The following UHRF2 variants were observed in gnomAD, a reference collection of about 807,000 sequenced individuals.
UHRF2 encodes the protein E3 ubiquitin-protein ligase UHRF2.
In UHRF2, 23 loss-of-function variants were observed where a neutral mutation model predicts 96.8. That is an observed-to-expected ratio of 0.24 (90% CI 0.17 to 0.34). UHRF2 has a LOEUF of 0.34. UHRF2 is among the 10% of genes least tolerant of loss of function. The pLI, the probability that UHRF2 is intolerant of heterozygous loss-of-function variation, is 1.00. For missense variants in UHRF2, 685 were observed against 981.5 expected, an observed-to-expected ratio of 0.70 and a Z score of 4.04; for synonymous variants, 385 against 332.6, an observed-to-expected ratio of 1.16 and a Z score of -1.72.
chr9:6,417,060 A>C (rs927600762), intron 1 of UHRF2, among the ~76,000 whole-genome samples: 1 of 152,168 alleles, frequency 6.6e-6, no homozygotes, highest in Non-Finnish European at 1.5e-5. Flanking sequence ...AACATATATA[A>C]TACACACATA....
intron 4 of UHRF2, among the ~76,000 whole-genome samples, chr9:6,466,070 G>T (rs1420181024): frequency 1.3e-5 from 2 of 152,138 alleles, no homozygotes; most frequent in Non-Finnish European, 2.9e-5. Flanking sequence ...AGTAGTATTT[G>T]AATCCTATAG....
At chr9:6,473,288 A>T (rs983739687) in intron 4 of UHRF2, among the ~76,000 whole-genome samples, 1 of 152,184 alleles carries the variant, frequency 6.6e-6, no homozygotes, top group Non-Finnish European at 1.5e-5. Context: ...ATTTAAATCC[A>T]TGAGTCCATA....
At chr9:6,470,071 T>G (rs1823149131) in intron 4 of UHRF2, among the ~76,000 whole-genome samples, 1 of 152,266 alleles carries the variant, frequency 6.6e-6, no homozygotes, top group Middle Eastern at 3.4e-3. Flanking sequence ...GTGAAAATAC[T>G]AATTTAAAAA....
chr9:6,468,564 G>T (rs1424542455), intron 4 of UHRF2: 2 of 456,040 alleles, frequency 4.4e-6, no homozygotes, highest in Non-Finnish European at 8.8e-6. Context: ...GTAAAATCTA[G>T]TTCAGAGCAG....
intron 4 of UHRF2, among the ~76,000 whole-genome samples, chr9:6,470,866 C>G (rs1242965422): frequency 6.6e-6 from 1 of 151,958 alleles, no homozygotes; most frequent in Non-Finnish European, 1.5e-5. Flanking sequence ...GCAATTGTGA[C>G]TAAAAGAAGC....
At chr9:6,492,422 C>T (rs1824715515) in intron 9 of UHRF2, 1 of 964,550 alleles carries the variant, frequency 1.0e-6, no homozygotes, top group East Asian at 9.0e-5. Flanking sequence ...ATTAGAATTC[C>T]TTCTCATAGA....
chr9:6,427,393 G>A (rs1820319343), intron 2 of UHRF2, among the ~76,000 whole-genome samples: 1 of 152,050 alleles, frequency 6.6e-6, no homozygotes, highest in Non-Finnish European at 1.5e-5. Context: ...AGTATGTTAA[G>A]ATGAAATTTT....
rs143998817 is a variant in UHRF2 at position 6,488,127 on chromosome 9, C to T, written c.1497+1202C>T. Among the ~76,000 whole-genome samples, 303 of 151,412 alleles carry T rather than the reference C, an allele frequency of 2.0e-3. 1 individual carries two copies. The highest frequency in any genetic ancestry group is 6.8e-3 in the Middle Eastern group (2 of 294). ...GTGTGGTGGCATGTGCCTGTAGTCC[C>T]GGCTACCCAGGAGGATGAGGCAGGA... On this transcript the variant is annotated intron_variant, in intron 9 of 15. Coordinates refer to ENST00000276893, the MANE Select transcript of UHRF2 (RefSeq NM_152896.3).
chr9:6,476,937 G>T (rs1405454637), intron 5 of UHRF2, among the ~76,000 whole-genome samples: 1 of 152,054 alleles, frequency 6.6e-6, no homozygotes, highest in African/African-American at 2.4e-5. Context: ...ATTCTTTTTG[G>T]TTCCTTTCTT....
At chr9:6,452,534 T>C (rs1821934584) in intron 3 of UHRF2, among the ~76,000 whole-genome samples, 1 of 152,196 alleles carries the variant, frequency 6.6e-6, no homozygotes, top group Non-Finnish European at 1.5e-5. Flanking sequence ...GATTGAAAGG[T>C]GTGATCCTAA....
Position 6,426,053 on chromosome 9 carries a change from C to T in UHRF2, c.384+4911C>T, listed in dbSNP as rs564313963. 1.1e-4 allele frequency among the ~76,000 whole-genome samples: 16 copies of T among 152,308 alleles called. No individual in the cohort carries two copies. In the South Asian group the frequency reaches 2.3e-3, roughly 22 times the overall value. On this transcript the variant is annotated intron_variant, in intron 2 of 15. Transcript: ENST00000276893. ...AGGAGGGCCAGTTTATGTATCTGCA[C>T]ATCTGAGATTAATCAAAGTTCAGCA...
chr9:6,458,988 G>A (rs1822355605), intron 3 of UHRF2, among the ~76,000 whole-genome samples: 1 of 152,064 alleles, frequency 6.6e-6, no homozygotes, highest in African/African-American at 2.4e-5. Context: ...AACACCACAT[G>A]TTCTCACTCA....
At chr9:6,423,306 AGG>A (rs1820043292) in intron 2 of UHRF2, among the ~76,000 whole-genome samples, 1 of 152,214 alleles carries the variant, frequency 6.6e-6, no homozygotes. Context: ...AACATAAAGA[AGG>A]AAAGCTTCCT....
chr9:6,434,999 GTT>G (rs58171060), intron 3 of UHRF2, among the ~76,000 whole-genome samples: 129 of 145,418 alleles, frequency 8.9e-4, no homozygotes, highest in Middle Eastern at 7.1e-3. Context: ...TGTTTGGCTA[GTT>G]TTTTTTTTTT....
rs1171978950 is a variant in UHRF2 at position 6,487,182 on chromosome 9, C to CTTTTTTTTTTTTTT, written c.1497+269_1497+282dup. Among the ~76,000 whole-genome samples the CTTTTTTTTTTTTTT allele has an allele frequency of 8.5e-4, 59 of 69,582 alleles. 4 individuals carry two copies. Among genetic ancestry groups the CTTTTTTTTTTTTTT allele is most frequent in the African/African-American group, 3.0e-3 (46 of 15,544 alleles). 45.6% of individuals were successfully genotyped at this position (69,582 alleles called of 152,430 possible). A position where few individuals can be genotyped will look rare whatever the true frequency, so the allele number is the denominator to read the frequency against. On this transcript the variant is annotated intron_variant, in intron 9 of 15. Coordinates refer to ENST00000276893, the MANE Select transcript of UHRF2 (RefSeq NM_152896.3). ...TCTATAGAGCTTTTATTTTTTTTTC[C>CTTTTTTTTTTTTTT]TTTTTTTTTTTTTTTTTTTTTTTTT... is the stretch of plus-strand genomic sequence containing the variant.
chr9:6,431,899 C>G (rs185210855), intron 2 of UHRF2, among the ~76,000 whole-genome samples: 42 of 152,286 alleles, frequency 2.8e-4, no homozygotes, highest in African/African-American at 9.4e-4. Flanking sequence ...ATGCTGCATT[C>G]TCTGCTATGC....
chr9:6,421,079 T>C lies in UHRF2; in HGVS notation c.321T>C (p.Pro107=), dbSNP rs751292697. ...PKVKKAPRVG[P]SNQPSTSARA... ...TAAAGAAAGCTCCGAGGGTAGGACC[T>C]TCCAATCAGCCATCTACATCAGCTC... Residue 107 remains proline, a synonymous_variant, in exon 2 of 16, where the codon CCT becomes CCC. Coordinates refer to ENST00000276893, the MANE Select transcript of UHRF2 (RefSeq NM_152896.3). 6.2e-7 allele frequency: 1 copy of C among 1,614,186 alleles called. No homozygotes were observed. Among genetic ancestry groups the C allele is most frequent in the Non-Finnish European group, 8.5e-7 (1 of 1,180,038 alleles).
Position 6,499,939 on chromosome 9 carries a change from A to G in UHRF2, c.2005+8A>G. 1 of 1,584,254 alleles carries G rather than the reference A, an allele frequency of 6.3e-7. No individual in the cohort carries two copies. The highest frequency in any genetic ancestry group is 8.6e-7 in the Non-Finnish European group (1 of 1,156,654). Reference sequence around the variant, plus strand: ...AAAGGCCAATTTCAGATGGTAGGTAATGATTGCAAAATATAAATAATAATA... The same window carrying G: ...AAAGGCCAATTTCAGATGGTAGGTAGTGATTGCAAAATATAAATAATAATA... On this transcript the variant is annotated splice_region_variant and intron_variant, in intron 13 of 15. Transcript: ENST00000276893.
intron 1 of UHRF2, among the ~76,000 whole-genome samples, chr9:6,415,857 T>C (rs1819565980): frequency 6.6e-6 from 1 of 152,128 alleles, no homozygotes; most frequent in Non-Finnish European, 1.5e-5. Context: ...AAATGAATGT[T>C]GATAGATAGT....
Sources: gnomAD v4.1 joint callset for allele counts (sites outside exome capture counted in the v4.1 genomes callset) on GRCh38, gnomAD v4.1.1 for gene constraint, MANE v1.5 for transcripts, NCBI Gene and HGNC (gene_info 2026-07-23, HGNC 2026-07-21) for gene names.